The following PDLIM1 variants were observed in gnomAD, a reference collection of about 807,000 sequenced individuals.
PDLIM1 encodes the protein PDZ and LIM domain protein 1.
PDLIM1 carries 25 observed loss-of-function variants against 35.2 expected under a neutral mutation model. The ratio of observed to expected loss-of-function variants is 0.71; its 90% CI spans 0.52 to 0.99. PDLIM1 has a LOEUF of 0.99. Ranked by LOEUF, PDLIM1 falls within the 50% of genes least tolerant of loss-of-function variation. The probability of loss-of-function intolerance (pLI) is 0.00; values close to 1 mark genes in which losing one functional copy is unlikely to be tolerated. For synonymous variants in PDLIM1, 152 were observed against 154.0 expected (o/e 0.99, Z 0.10); for missense variants, 363 against 415.3 (o/e 0.87, Z 1.09).
At chr10:95,240,339 C>A (rs1227728320) in intron 5 of PDLIM1, among the ~76,000 whole-genome samples, 2 of 152,182 alleles carry the variant, frequency 1.3e-5, no homozygotes, top group African/African-American at 4.8e-5. Flanking sequence ...TTGTCCTTTG[C>A]AGGGACATGG....
Position 95,247,256 on chromosome 10 carries a change from G to A in PDLIM1, c.644C>T (p.Ser215Phe), listed in dbSNP as rs1056002186. Reference protein sequence around the residue: ...ELNEPPKQSTSFLVLQEILES... With the variant: ...ELNEPPKQSTFFLVLQEILES... ...CAGGATTTCCTGCAAAACCAAGAAAGACGTGGACTGTTTCGGGGGCTCATT... is the reference window on the plus strand; with the variant it reads ...CAGGATTTCCTGCAAAACCAAGAAAAACGTGGACTGTTTCGGGGGCTCATT... The change falls in exon 5 of 7, where the codon TCT (serine) becomes TTT (phenylalanine). Residue 215 changes from serine (S) to phenylalanine (F), a missense_variant. Coordinates refer to ENST00000329399, the MANE Select transcript of PDLIM1 (RefSeq NM_020992.4). 2 of 1,614,076 alleles carry A rather than the reference G, an allele frequency of 1.2e-6. No individual in the cohort carries two copies. The highest frequency in any genetic ancestry group is 3.3e-5 in the Admixed American group (2 of 60,010).
chr10:95,279,936 T>A (rs2035546256), intron 1 of PDLIM1, among the ~76,000 whole-genome samples: 1 of 152,230 alleles, frequency 6.6e-6, no homozygotes, highest in Non-Finnish European at 1.5e-5. Flanking sequence ...GCCATATGCT[T>A]CAATTCTAGG....
chr10:95,287,622 C>A (rs2035613711), intron 1 of PDLIM1, among the ~76,000 whole-genome samples: 2 of 151,900 alleles, frequency 1.3e-5, no homozygotes, highest in East Asian at 3.9e-4. Flanking sequence ...CTGAAGGCTT[C>A]CCTTGAAAGT....
intron 4 of PDLIM1, among the ~76,000 whole-genome samples, chr10:95,251,343 C>T (rs1005192300): frequency 1.3e-5 from 2 of 151,736 alleles, no homozygotes; most frequent in Non-Finnish European, 2.9e-5. Context: ...GAGGCCGAAG[C>T]AGGTGAATTG....
rs964511734 is a variant in PDLIM1, at chr10:95,290,978, C to T, written c.-63G>A. On this transcript the variant is annotated 5_prime_UTR_variant, in exon 1 of 7. Transcript: ENST00000329399. This position sits in a 1 kb window ranked among gnomAD's most constrained non-coding sequence, Gnocchi z 4.7. Reference sequence around the variant, plus strand: ...CGGGCAGGACGCGCGGAACAGCTTGCAGGGCACCCCCGGCGGCTGTCGGAG... The same window carrying T: ...CGGGCAGGACGCGCGGAACAGCTTGTAGGGCACCCCCGGCGGCTGTCGGAG... The T allele has an allele frequency of 4.9e-4, 487 of 993,618 alleles. No individual in the cohort carries two copies. Among genetic ancestry groups the T allele is most frequent in the Non-Finnish European group, 6.8e-4 (472 of 695,394 alleles). The allele number at this position is 993,618 out of a possible 1,614,324, so 61.6% of individuals were successfully genotyped here.
intron 4 of PDLIM1, among the ~76,000 whole-genome samples, chr10:95,253,913 G>T (rs1356359579): frequency 6.6e-6 from 1 of 152,212 alleles, no homozygotes; most frequent in East Asian, 1.9e-4. Context: ...CTGAAATGAT[G>T]ACGCCAGTAA....
At chr10:95,245,961 CAA>C (rs1384288301) in intron 5 of PDLIM1, among the ~76,000 whole-genome samples, 2 of 152,176 alleles carry the variant, frequency 1.3e-5, no homozygotes, top group Non-Finnish European at 2.9e-5. Context: ...GCCTCTCAGC[CAA>C]CATGCCAATC....
intron 1 of PDLIM1, among the ~76,000 whole-genome samples, chr10:95,285,120 A>C (rs796824828): frequency 2.6e-5 from 4 of 152,328 alleles, no homozygotes; most frequent in African/African-American, 9.6e-5. Context: ...TTCTCTAGCC[A>C]GTCCTTCCAC....
At chr10:95,268,951 T>A (rs1589515384) in intron 2 of PDLIM1, 89 bp from the exon 3 acceptor site, 3 of 903,830 alleles carry the variant, frequency 3.3e-6, no homozygotes, top group East Asian at 5.1e-5. Flanking sequence ...CCCTCTTTCC[T>A]GGACTAGGCA....
intron 2 of PDLIM1, among the ~76,000 whole-genome samples, chr10:95,269,077 C>A (rs192012862): frequency 2.1e-4 from 32 of 152,284 alleles, no homozygotes; most frequent in Non-Finnish European, 1.9e-4. Context: ...CCCCAAGGGG[C>A]TTCCCAAGCA....
In PDLIM1 at chr10:95,237,942, T is replaced by G; in HGVS notation, c.973A>C (p.Thr325Pro). The G allele has an allele frequency of 6.2e-7, 1 of 1,614,118 alleles. No homozygotes were observed. Among genetic ancestry groups the G allele is most frequent in the Non-Finnish European group, 8.5e-7 (1 of 1,179,980 alleles). Residue 325 changes from threonine (T) to proline (P), a missense_variant, in exon 7 of 7, where the codon ACT (threonine) becomes CCT (proline). Thr to Pro is a conservative substitution (Grantham distance 38). Coordinates refer to ENST00000329399, the MANE Select transcript of PDLIM1 (RefSeq NM_020992.4). ...CTGCTGGCTCACTTGGGGAACACAG[T>G]GACCACTTCATAACCCTCAGGTGGT... ...VTPPEGYEVV[T>P]VFPK
At chr10:95,279,670 G>A (rs528966584) in intron 1 of PDLIM1, among the ~76,000 whole-genome samples, 4 of 152,300 alleles carry the variant, frequency 2.6e-5, no homozygotes, top group South Asian at 2.1e-4. Context: ...GGAGCAAAAC[G>A]TTGTCCCTGT....
At chr10:95,238,264 A>G (rs1020262181) in intron 6 of PDLIM1, among the ~76,000 whole-genome samples, 153 bp from the exon 7 acceptor site, 3 of 152,164 alleles carry the variant, frequency 2.0e-5, no homozygotes, top group Non-Finnish European at 2.9e-5. Context: ...CTGGCCTCCA[A>G]TCATAAGGGA....
In PDLIM1 at chr10:95,282,542, CAA is replaced by C. The variant is rs139853392; in HGVS notation, c.96+8276_96+8277del. Among the ~76,000 whole-genome samples, 669 of 152,262 alleles carry C rather than the reference CAA, an allele frequency of 4.4e-3. 7 individuals carry two copies. The highest frequency in any genetic ancestry group is 0.016 in the African/African-American group (645 of 41,544). On this transcript the variant is annotated intron_variant, in intron 1 of 6. Transcript: ENST00000329399. ...TTATTAGTGCTAAGGGGTGACAGTT[CAA>C]AGAGACGTGCTGCTCTCTCAGTCTG...
At chr10:95,261,508 T>C (rs1479835462) in intron 4 of PDLIM1, among the ~76,000 whole-genome samples, 1 of 152,156 alleles carries the variant, frequency 6.6e-6, no homozygotes, top group East Asian at 1.9e-4. Flanking sequence ...TTCTCAGGTA[T>C]CTCAAATGTC....
At chr10:95,262,568 C>G (rs1361201117) in intron 4 of PDLIM1, among the ~76,000 whole-genome samples, 1 of 152,180 alleles carries the variant, frequency 6.6e-6, no homozygotes, top group Non-Finnish European at 1.5e-5. Flanking sequence ...CCCTCCGGAC[C>G]AGGAATGCAC....
Position 95,290,886 on chromosome 10 carries a change from GCCC to G in PDLIM1, c.27_29del (p.Gln9_Gly10delinsHis). 1 of 1,563,422 alleles carries G rather than the reference GCCC, an allele frequency of 6.4e-7. No homozygotes were observed. The highest frequency in any genetic ancestry group is 8.7e-7 in the Non-Finnish European group (1 of 1,154,576). ...CGAGGCGGAAGCCCCACGGCCCCGG[GCCC>G]TGGAGGTCTATCTGCTGGGTGGTCA... On this transcript the variant is annotated inframe_deletion, in exon 1 of 7. Transcript: ENST00000329399. This position sits in a 1 kb window ranked among gnomAD's most constrained non-coding sequence, Gnocchi z 4.7.
intron 4 of PDLIM1, among the ~76,000 whole-genome samples, chr10:95,251,365 GA>G (rs1439758602): frequency 6.6e-6 from 1 of 152,056 alleles, no homozygotes; most frequent in African/African-American, 2.4e-5. Context: ...CTGAGCTCAG[GA>G]GTTCGAGACC....
chr10:95,248,182 C>G (rs1004286691), intron 4 of PDLIM1, among the ~76,000 whole-genome samples: 1 of 152,228 alleles, frequency 6.6e-6, no homozygotes, highest in Non-Finnish European at 1.5e-5. Flanking sequence ...TCCCCACCTC[C>G]CCCAGGTCCA....
Sources: allele counts gnomAD v4.1 joint callset (sites outside exome capture counted in the v4.1 genomes callset), GRCh38; gene constraint gnomAD v4.1.1; non-coding constraint Gnocchi (gnomAD v3.1); transcripts MANE v1.5; gene names NCBI Gene and HGNC (gene_info 2026-07-23, HGNC 2026-07-21).